COL16A1: variants seen among roughly 807,000 people sequenced by gnomAD.
COL16A1 encodes collagen alpha-1(XVI) chain.
COL16A1 carries 189 observed loss-of-function variants against 266.3 expected under a neutral mutation model. The ratio of observed to expected loss-of-function variants is 0.71; its 90% CI spans 0.63 to 0.80. The LOEUF (loss-of-function observed/expected upper bound fraction) is 0.80. Among genes scored for constraint, COL16A1 ranks in the 30% least tolerant of loss-of-function variants. The pLI, the probability that COL16A1 is intolerant of heterozygous loss-of-function variation, is 0.00. For missense variants in COL16A1, 1,928 were observed against 2,122.4 expected (o/e 0.91, Z 1.80); for synonymous variants, 740 against 782.3 (o/e 0.95, Z 0.90).
chr1:31,658,962 C>G lies in COL16A1; in HGVS notation c.3882G>C (p.Gly1294=). 1 of 1,553,844 alleles carries G rather than the reference C, an allele frequency of 6.4e-7. No individual in the cohort carries two copies. The highest frequency in any genetic ancestry group is 8.7e-7 in the Non-Finnish European group (1 of 1,148,216). Residue 1294 remains glycine, a splice_region_variant and synonymous_variant, in exon 63 of 71, where the codon GGG becomes GGC. Coordinates refer to ENST00000373672, the MANE Select transcript of COL16A1 (RefSeq NM_001856.4). ...CTGGCTGGCCTGGAGGCCCTGGTGG[C>G]CCCTAAAGAGAGATGAGTCAGTGGG... is the stretch of plus-strand genomic sequence containing the variant. The part of the protein sequence containing the change: ...QGRPGPPGHV[G]PPGPPGQPGP...
At chr1:31,673,037 CT>C in intron 44 of COL16A1, 197 bp from the exon 45 acceptor site, 3 of 658,100 alleles carry the variant, frequency 4.6e-6, no homozygotes, top group Non-Finnish European at 8.3e-6. Context: ...CAACAATTGG[CT>C]TTGAGTTTCC....
intron 31 of COL16A1, 96 bp downstream of exon 31, chr1:31,684,427 G>T: frequency 1.3e-6 from 2 of 1,533,980 alleles, no homozygotes; most frequent in Non-Finnish European, 1.8e-6. Flanking sequence ...AGCCGTTAAG[G>T]CCCCAGCTGG....
intron 52 of COL16A1, 107 bp downstream of exon 52, chr1:31,667,468 G>C: frequency 1.1e-6 from 1 of 907,896 alleles, no homozygotes; most frequent in Non-Finnish European, 1.7e-6. Context: ...CAGGGGGGCA[G>C]CAGGGGTCAC....
chr1:31,701,339 A>G (rs1454696383), intron 2 of COL16A1: 1 of 985,194 alleles, frequency 1.0e-6, no homozygotes, highest in Non-Finnish European at 1.2e-6. Flanking sequence ...CGCACACACA[A>G]GCAGAAACAC....
At chr1:31,659,051 C>G in intron 62 of COL16A1, 87 bp from the exon 63 acceptor site, 1 of 1,232,980 alleles carries the variant, frequency 8.1e-7, no homozygotes, top group Non-Finnish European at 1.2e-6. Context: ...GAAACAAGCT[C>G]TAAACTTCAG....
At position 31,656,681 on chromosome 1, in the gene COL16A1, C is replaced by T. The variant is rs1232964877; in HGVS notation, c.4057-237G>A. Among the ~76,000 whole-genome samples, 1 of 152,062 alleles carries T rather than the reference C, an allele frequency of 6.6e-6. No homozygotes were observed. Among genetic ancestry groups the T allele is most frequent in the Non-Finnish European group, 1.5e-5 (1 of 68,016 alleles). ...GGCCCCCATCACAGATGAAGAGAGG[C>T]GAGAAGTCAGAATGAGAGGGCCAGT... On this transcript the variant is annotated intron_variant, in intron 65 of 70. Transcript: ENST00000373672. The surrounding 1 kb of genome is among the most constrained non-coding windows in gnomAD (Gnocchi z 4.2).
rs141505854 is a variant in COL16A1, at chr1:31,667,794, G to A, written c.3304-166C>T. ...GCTGCCGTGCCTCCCATCTGCCACC[G>A]TGCCCCCCAAGCCCCCAGTGGAAAG... On this transcript the variant is annotated intron_variant, in intron 51 of 70. Transcript: ENST00000373672. Among the ~76,000 whole-genome samples the A allele has an allele frequency of 1.5e-3, 229 of 152,234 alleles. 5 individuals carry two copies. In the South Asian group the frequency reaches 0.017, roughly 11 times the overall value.
At position 31,664,759 on chromosome 1, in the gene COL16A1, G is replaced by T. The variant is rs116625767; in HGVS notation, c.3555+413C>A. ...AGGAGCCCATTCCCCTTCCACGTTG[G>T]TGTCCTCCTTCAGGACGTGCTTCCC... On this transcript the variant is annotated intron_variant, in intron 56 of 70. Coordinates refer to ENST00000373672, the MANE Select transcript of COL16A1 (RefSeq NM_001856.4). This position sits in a 1 kb window ranked among gnomAD's most constrained non-coding sequence, Gnocchi z 5.5. 1.6e-3 allele frequency among the ~76,000 whole-genome samples: 238 copies of T among 152,244 alleles called. 2 individuals are homozygous for T. Among genetic ancestry groups the T allele is most frequent in the African/African-American group, 5.5e-3 (229 of 41,530 alleles).
At chr1:31,691,120 C>T (rs1414453202) in intron 20 of COL16A1, 68 bp downstream of exon 20, 7 of 1,571,424 alleles carry the variant, frequency 4.5e-6, no homozygotes, top group Admixed American at 1.9e-5. Context: ...GAAGCTGCCC[C>T]GGCCCCTTCT....
intron 44 of COL16A1, among the ~76,000 whole-genome samples, chr1:31,673,652 C>T (rs1002373598): frequency 5.9e-5 from 9 of 152,224 alleles, no homozygotes; most frequent in Non-Finnish European, 7.3e-5. Flanking sequence ...ATCTTGACGG[C>T]GCAGTGAGAC....
chr1:31,698,746 A>T lies in COL16A1; in HGVS notation c.267-140T>A, dbSNP rs1570600396. ...CATCATATACATTCATTCACTCTCC[A>T]TACCTTTACTGAGTGCCTTCCGCGA... On this transcript the variant is annotated intron_variant, in intron 4 of 70. Coordinates refer to ENST00000373672, the MANE Select transcript of COL16A1 (RefSeq NM_001856.4). This position sits in a 1 kb window ranked among gnomAD's most constrained non-coding sequence, Gnocchi z 4.1. 9.5e-6 allele frequency: 13 copies of T among 1,373,892 alleles called. No homozygotes were observed. Among genetic ancestry groups the T allele is most frequent in the Non-Finnish European group, 1.3e-5 (13 of 1,028,720 alleles). The allele number at this position is 1,373,892 out of a possible 1,614,324, so 85.1% of individuals were successfully genotyped here.
intron 42 of COL16A1, chr1:31,679,318 T>C: frequency 8.3e-7 from 1 of 1,208,136 alleles, no homozygotes; most frequent in Non-Finnish European, 1.1e-6. Flanking sequence ...CATGAATGAG[T>C]GTTGAATGCT....
At position 31,668,343 on chromosome 1, in the gene COL16A1, C is replaced by T. The variant is rs1292114336; in HGVS notation, c.3250-125G>A. ...TCTAGCAGGTGCCAGCCTGCCCCAGCATTGCACACTGGGCCATCTCCCCAA... is the reference window on the plus strand; with the variant it reads ...TCTAGCAGGTGCCAGCCTGCCCCAGTATTGCACACTGGGCCATCTCCCCAA... On this transcript the variant is annotated intron_variant, in intron 50 of 70. Coordinates refer to ENST00000373672, the MANE Select transcript of COL16A1 (RefSeq NM_001856.4). The surrounding 1 kb of genome is among the most constrained non-coding windows in gnomAD (Gnocchi z 5.8). The T allele has an allele frequency of 2.0e-6, 2 of 979,520 alleles. No homozygotes were observed. Among genetic ancestry groups the T allele is most frequent in the East Asian group, 2.6e-5 (1 of 38,566 alleles). 60.7% of individuals were successfully genotyped at this position (979,520 alleles called of 1,614,324 possible). A position where few individuals can be genotyped will look rare whatever the true frequency, so the allele number is the denominator to read the frequency against.
chr1:31,658,901 G>A lies in COL16A1; in HGVS notation c.3930+13C>T. 1 of 1,552,650 alleles carries A rather than the reference G, an allele frequency of 6.4e-7. No homozygotes were observed. The highest frequency in any genetic ancestry group is 8.7e-7 in the Non-Finnish European group (1 of 1,147,522). ...CTCCTGGGAGGGAGGAAGGAGTGGA[G>A]CATGTTACTCACCACTGCAGAGATC... On this transcript the variant is annotated intron_variant, in intron 63 of 70. Transcript: ENST00000373672.
chr1:31,662,825 G>T, intron 56 of COL16A1, 167 bp from the exon 57 acceptor site: 1 of 658,570 alleles, frequency 1.5e-6, no homozygotes, highest in Non-Finnish European at 2.6e-6. Flanking sequence ...TGTGCCACAC[G>T]TCGCCTCCCC....
intron 52 of COL16A1, chr1:31,666,347 T>C: frequency 1.9e-6 from 1 of 518,244 alleles, no homozygotes; most frequent in Non-Finnish European, 3.4e-6. Context: ...ATAGCTCTGA[T>C]TATGTCACTC....
At position 31,670,270 on chromosome 1, in the gene COL16A1, T is replaced by G; in HGVS notation, c.3195+332A>C. ...GAGGGGCCCCCTAGAGGCACCAGCTTAAGAGGAAGGTTCACGAGCTCAGGA... is the reference window on the plus strand; with the variant it reads ...GAGGGGCCCCCTAGAGGCACCAGCTGAAGAGGAAGGTTCACGAGCTCAGGA... On this transcript the variant is annotated intron_variant, in intron 49 of 70. Coordinates refer to ENST00000373672, the MANE Select transcript of COL16A1 (RefSeq NM_001856.4). The surrounding 1 kb of genome is among the most constrained non-coding windows in gnomAD (Gnocchi z 4.5). The G allele has an allele frequency of 3.3e-6, 1 of 300,540 alleles. No individual in the cohort carries two copies. The allele number at this position is 300,540 out of a possible 1,614,324, so 18.6% of individuals were successfully genotyped here.
chr1:31,693,352 T>C lies in COL16A1; in HGVS notation c.1009-198A>G, dbSNP rs530603436. 2.5e-4 allele frequency: 149 copies of C among 593,056 alleles called. 1 individual carries two copies. The South Asian group carries it at 2.7e-3, about 11-fold the overall frequency. The allele number at this position is 593,056 out of a possible 1,614,324, so 36.7% of individuals were successfully genotyped here. On this transcript the variant is annotated intron_variant, in intron 12 of 70. Transcript: ENST00000373672. ...TGGATTCCACACCTGTTCATCCACA[T>C]GCCCTCCCACCCCAAGATGCTATAT...
chr1:31,654,944 A>C, intron 67 of COL16A1, 86 bp from the exon 68 acceptor site: 1 of 1,532,836 alleles, frequency 6.5e-7, no homozygotes. Context: ...GGAGGAAGGC[A>C]AAGGTCCCAG....
Sources: allele counts gnomAD v4.1 joint callset (sites outside exome capture counted in the v4.1 genomes callset), GRCh38; gene constraint gnomAD v4.1.1; non-coding constraint Gnocchi (gnomAD v3.1); transcripts MANE v1.5; gene names NCBI Gene and HGNC (gene_info 2026-07-23, HGNC 2026-07-21).